The following MAN2A1 variants were observed in gnomAD, a reference collection of about 807,000 sequenced individuals.
MAN2A1 encodes the protein mannosidase alpha class 2A member 1, also known as alpha-mannosidase 2.
Under a neutral mutation model 142.6 loss-of-function variants are expected in MAN2A1, and 76 were observed. That is an observed-to-expected ratio of 0.53 (90% CI 0.44 to 0.65). The LOEUF is 0.65. MAN2A1 is among the 30% of genes least tolerant of loss of function. The probability of loss-of-function intolerance (pLI) is 0.00; values close to 1 mark genes in which losing one functional copy is unlikely to be tolerated. For synonymous variants in MAN2A1, 559 were observed against 473.2 expected (o/e 1.18, Z -2.35); for missense variants, 1,311 against 1,365.1 (o/e 0.96, Z 0.62).
chr5:109,831,586 C>T (rs989430169), intron 16 of MAN2A1, among the ~76,000 whole-genome samples: 1 of 152,168 alleles, frequency 6.6e-6, no homozygotes, highest in African/African-American at 2.4e-5. Context: ...TACATGGTGA[C>T]TTTTAAAAAT....
At chr5:109,724,823 A>C (rs1163515539) in intron 3 of MAN2A1, among the ~76,000 whole-genome samples, 1 of 152,182 alleles carries the variant, frequency 6.6e-6, no homozygotes, top group Non-Finnish European at 1.5e-5. Flanking sequence ...AAATATAAGT[A>C]TTTTGGAAAC....
intron 1 of MAN2A1, among the ~76,000 whole-genome samples, chr5:109,692,301 T>TG (rs1307501185): frequency 6.6e-6 from 1 of 152,220 alleles, no homozygotes; most frequent in African/African-American, 2.4e-5. Flanking sequence ...AAGTGGCTGC[T>TG]GGAGGGGAAG....
In MAN2A1 at chr5:109,819,837, C is replaced by T. The variant is rs778171894; in HGVS notation, c.2278C>T (p.Leu760=). 2 of 1,608,472 alleles carry T rather than the reference C, an allele frequency of 1.2e-6. No individual in the cohort carries two copies. Among genetic ancestry groups the T allele is most frequent in the South Asian group, 2.2e-5 (2 of 89,918 alleles). Residue 760 remains leucine (L), a synonymous_variant, in exon 14 of 22, where the codon CTA becomes TTA. Coordinates refer to ENST00000261483, the MANE Select transcript of MAN2A1 (RefSeq NM_002372.4). ...NMINTEEGIT[L]ENSFVLLRFD... ...GATAAATACTGAAGAAGGTATAACA[C>T]TAGAGAACTCCTTTGTTTTACTTCG...
chr5:109,840,886 T>G (rs140243498), intron 16 of MAN2A1, among the ~76,000 whole-genome samples: 7 of 152,314 alleles, frequency 4.6e-5, no homozygotes, highest in African/African-American at 7.2e-5. Flanking sequence ...ATTTACACTC[T>G]TTCCCACAAA....
intron 9 of MAN2A1, among the ~76,000 whole-genome samples, chr5:109,782,991 AT>A (rs1460446902): frequency 1.4e-4 from 21 of 152,122 alleles, no homozygotes; most frequent in Non-Finnish European, 2.6e-4. Context: ...ATGTTTACAT[AT>A]TATAGTGACT....
At chr5:109,805,542 C>T (rs956092756) in intron 12 of MAN2A1, among the ~76,000 whole-genome samples, 1 of 152,166 alleles carries the variant, frequency 6.6e-6, no homozygotes, top group Non-Finnish European at 1.5e-5. Context: ...CCTTTGAGCT[C>T]TAGGCAGATC....
chr5:109,723,070 C>A (rs1751649244), intron 3 of MAN2A1, among the ~76,000 whole-genome samples: 1 of 152,062 alleles, frequency 6.6e-6, no homozygotes, highest in African/African-American at 2.4e-5. Context: ...CTAAGGGGCA[C>A]TTAGAAAAGC....
At chr5:109,731,445 TG>T (rs1751907207) in intron 4 of MAN2A1, among the ~76,000 whole-genome samples, 1 of 151,506 alleles carries the variant, frequency 6.6e-6, no homozygotes, top group South Asian at 2.1e-4. Context: ...TGTGCTATGC[TG>T]GTGTGCTGCA....
chr5:109,704,736 C>G (rs185831705), intron 1 of MAN2A1, among the ~76,000 whole-genome samples: 2 of 152,280 alleles, frequency 1.3e-5, no homozygotes, highest in East Asian at 1.9e-4. Flanking sequence ...AACGATGACA[C>G]CCCTGCTGGA....
intron 4 of MAN2A1, among the ~76,000 whole-genome samples, chr5:109,746,880 C>G (rs184551705): frequency 8.2e-4 from 125 of 152,280 alleles, no homozygotes; most frequent in Admixed American, 2.4e-3. Flanking sequence ...CCTTTTCTGT[C>G]TGCCTTACTT....
intron 19 of MAN2A1, among the ~76,000 whole-genome samples, chr5:109,851,177 G>A (rs1199813673): frequency 2.0e-5 from 3 of 152,244 alleles, no homozygotes; most frequent in African/African-American, 7.2e-5. Context: ...CAGAGAGTCA[G>A]TAAAAACAAG....
chr5:109,739,498 C>A (rs1401096805), intron 4 of MAN2A1, among the ~76,000 whole-genome samples: 1 of 152,036 alleles, frequency 6.6e-6, no homozygotes, highest in Non-Finnish European at 1.5e-5. Flanking sequence ...AAGAGTCTTC[C>A]CTGCCACTCC....
At chr5:109,846,221 A>T (rs1755341511) in intron 18 of MAN2A1, among the ~76,000 whole-genome samples, 1 of 152,192 alleles carries the variant, frequency 6.6e-6, no homozygotes, top group Admixed American at 6.5e-5. Flanking sequence ...AGAACAGGAG[A>T]CCTAAAATTC....
At chr5:109,803,275 G>A (rs1039959905) in intron 12 of MAN2A1, among the ~76,000 whole-genome samples, 7 of 151,946 alleles carry the variant, frequency 4.6e-5, no homozygotes, top group African/African-American at 1.4e-4. Flanking sequence ...AAAAATAAAG[G>A]CAGAGTAGCT....
intron 12 of MAN2A1, among the ~76,000 whole-genome samples, chr5:109,793,071 A>G (rs879918216): frequency 7.2e-5 from 11 of 152,124 alleles, no homozygotes; most frequent in Non-Finnish European, 1.6e-4. Flanking sequence ...TGTGAGGAGC[A>G]TGTATAGGAA....
intron 1 of MAN2A1, among the ~76,000 whole-genome samples, chr5:109,702,793 ATTATG>A (rs889816671): frequency 5.9e-5 from 9 of 152,166 alleles, no homozygotes; most frequent in African/African-American, 1.2e-4. Context: ...ATTTTTATGT[ATTATG>A]TTATGTCTTA....
chr5:109,732,708 T>C (rs1751952539), intron 4 of MAN2A1, among the ~76,000 whole-genome samples: 1 of 152,192 alleles, frequency 6.6e-6, no homozygotes, highest in East Asian at 1.9e-4. Flanking sequence ...CTGTGTTCTG[T>C]TCCATTGATG....
chr5:109,785,349 T>C (rs1195928089), intron 10 of MAN2A1, among the ~76,000 whole-genome samples: 5 of 151,796 alleles, frequency 3.3e-5, no homozygotes, highest in Non-Finnish European at 7.4e-5. Context: ...TCTTGTATAC[T>C]TCTTTTTTTT....
At chr5:109,832,485 TTG>T (rs1363913925) in intron 16 of MAN2A1, among the ~76,000 whole-genome samples, 1 of 152,030 alleles carries the variant, frequency 6.6e-6, no homozygotes, top group Non-Finnish European at 1.5e-5. Flanking sequence ...GAGCAAGGGG[TTG>T]GGGGTAAGGC....
Sources: gnomAD v4.1 joint callset for allele counts (sites outside exome capture counted in the v4.1 genomes callset) on GRCh38, gnomAD v4.1.1 for gene constraint, MANE v1.5 for transcripts, NCBI Gene and HGNC (gene_info 2026-07-23, HGNC 2026-07-21) for gene names.